RANBP2: variants seen among roughly 807,000 people sequenced by gnomAD.
RANBP2 encodes RAN binding protein 2, also known as E3 SUMO-protein ligase RanBP2.
Under a neutral mutation model 303.6 loss-of-function variants are expected in RANBP2, and 57 were observed. The ratio of observed to expected loss-of-function variants is 0.19; its 90% CI spans 0.15 to 0.23. The LOEUF is 0.23. Among genes scored for constraint, RANBP2 ranks in the 10% least tolerant of loss-of-function variants. The probability of loss-of-function intolerance (pLI) is 1.00; values close to 1 mark genes in which losing one functional copy is unlikely to be tolerated. For synonymous variants in RANBP2, 1,167 were observed against 1,301.5 expected, an observed-to-expected ratio of 0.90 and a Z score of 2.23; for missense variants, 3,138 against 3,780.8, an observed-to-expected ratio of 0.83 and a Z score of 4.46.
At chr2:109,137,551 C>G in the RANBP2 span, among the ~76,000 whole-genome samples, 18 of 152,148 alleles carry the variant, frequency 1.2e-4, no homozygotes, top group African/African-American at 4.8e-5. Flanking sequence ...TTTTTGTTGG[C>G]CATCAAAGCA....
At chr2:109,502,739 C>T in the RANBP2 span, 6 of 152,242 alleles carry the variant, frequency 3.9e-5, no homozygotes, top group Non-Finnish European at 7.3e-5. Flanking sequence ...GTAGAAGGAG[C>T]ACGCAGGTCA....
the RANBP2 span, among the ~76,000 whole-genome samples, chr2:109,645,223 GC>G: frequency 6.6e-6 from 1 of 152,196 alleles, no homozygotes; most frequent in African/African-American, 2.4e-5. Flanking sequence ...CCAGCGAGAG[GC>G]AACCAAGGTT....
In RANBP2 at chr2:108,766,146, A is replaced by G; in HGVS notation, c.5607A>G (p.Ser1869=). ...FKFGHVDQEN[S]PSFMFQGSSN... The stretch of plus-strand genomic sequence containing the variant: ...TTGGGCATGTGGATCAAGAAAATTC[A>G]CCTTCATTTATGTTTCAGGGTTCTT... Residue 1869 remains serine (S), a synonymous_variant, in exon 20 of 29, where the codon TCA becomes TCG. Coordinates refer to ENST00000283195, the MANE Select transcript of RANBP2 (RefSeq NM_006267.5). 1.2e-6 allele frequency: 2 copies of G among 1,613,304 alleles called. No homozygotes were observed. The highest frequency in any genetic ancestry group is 1.7e-6 in the Non-Finnish European group (2 of 1,179,992).
the RANBP2 span, chr2:108,876,349 T>G: frequency 1.6e-6 from 1 of 641,486 alleles, no homozygotes; most frequent in African/African-American, 1.8e-5. Context: ...AAGTTATCAG[T>G]AGCATCATTT....
chr2:108,786,281 A>T (rs1453998360), downstream of RANBP2, among the ~76,000 whole-genome samples: 1 of 143,240 alleles, frequency 7.0e-6, no homozygotes, highest in East Asian at 2.0e-4. Context: ...ACTTTAAGAG[A>T]TGGGAGTCTT....
chr2:109,184,061 A>G, the RANBP2 span, among the ~76,000 whole-genome samples: 2 of 152,172 alleles, frequency 1.3e-5, no homozygotes, highest in Non-Finnish European at 1.5e-5. Context: ...GGGTATCACG[A>G]TCTCTCTGTG....
chr2:109,110,038 G>A, the RANBP2 span, among the ~76,000 whole-genome samples: 2 of 152,080 alleles, frequency 1.3e-5, no homozygotes, highest in Non-Finnish European at 1.5e-5. Context: ...CTCAGATCCT[G>A]GAGATCTGAG....
chr2:109,563,481 C>T, the RANBP2 span, among the ~76,000 whole-genome samples: 4 of 152,236 alleles, frequency 2.6e-5, no homozygotes, highest in South Asian at 8.3e-4. Context: ...TAGCACTTGT[C>T]CCAAGGATCT....
chr2:109,218,161 A>AG, the RANBP2 span, among the ~76,000 whole-genome samples: 1 of 152,116 alleles, frequency 6.6e-6, no homozygotes, highest in Non-Finnish European at 1.5e-5. Flanking sequence ...TATTAAAAAA[A>AG]AAAAATCCTG....
the RANBP2 span, among the ~76,000 whole-genome samples, chr2:109,026,496 T>C: frequency 6.6e-6 from 1 of 152,220 alleles, no homozygotes; most frequent in Non-Finnish European, 1.5e-5. Context: ...GCCTGTCCCT[T>C]GGGCCCCTCT....
chr2:108,786,718 C>T (rs1355696660), downstream of RANBP2: 3 of 1,089,238 alleles, frequency 2.8e-6, no homozygotes, highest in Non-Finnish European at 4.1e-6. Context: ...GCCGTGCGTG[C>T]CTCGGGGGGG....
intron 25 of RANBP2, among the ~76,000 whole-genome samples, chr2:108,779,186 GACGATC>G: frequency 6.6e-6 from 1 of 151,750 alleles, no homozygotes; most frequent in South Asian, 2.1e-4. Flanking sequence ...TTTTTTTTGA[GACGATC>G]ATTCTGTTGC....
the RANBP2 span, among the ~76,000 whole-genome samples, chr2:109,693,222 G>C: frequency 2.0e-5 from 3 of 152,048 alleles, no homozygotes; most frequent in Admixed American, 2.0e-4. Flanking sequence ...CTATCGCCCA[G>C]GCTGGAGTGC....
chr2:109,115,962 A>G, the RANBP2 span, among the ~76,000 whole-genome samples: 3 of 152,002 alleles, frequency 2.0e-5, no homozygotes, highest in African/African-American at 7.3e-5. Flanking sequence ...ATTGGCCCCC[A>G]CTCTCTTCTG....
the RANBP2 span, among the ~76,000 whole-genome samples, chr2:109,304,966 G>A: frequency 3.3e-5 from 5 of 152,174 alleles, no homozygotes; most frequent in East Asian, 1.9e-4. Flanking sequence ...GTCAACTTAT[G>A]AGTAGGAATG....
At chr2:109,396,758 G>GCTTAGCCTATATC in the RANBP2 span, among the ~76,000 whole-genome samples, 1 of 152,208 alleles carries the variant, frequency 6.6e-6, no homozygotes, top group African/African-American at 2.4e-5. Context: ...ACATGCAAGG[G>GCTTAGCCTATATC]CTTAGCCTAT....
At chr2:109,423,120 G>A in the RANBP2 span, among the ~76,000 whole-genome samples, 359 of 152,288 alleles carry the variant, frequency 2.4e-3, no homozygotes, top group African/African-American at 8.0e-3. Context: ...ACCCTGTGAG[G>A]TGCATGACCA....
chr2:109,231,310 C>T, the RANBP2 span, among the ~76,000 whole-genome samples: 3 of 152,180 alleles, frequency 2.0e-5, no homozygotes, highest in African/African-American at 7.2e-5. Context: ...TGAGCTAATG[C>T]GATGACATTT....
chr2:109,149,359 A>C, the RANBP2 span, among the ~76,000 whole-genome samples: 1 of 152,222 alleles, frequency 6.6e-6, no homozygotes, highest in Non-Finnish European at 1.5e-5. Context: ...ATCAAGAGTC[A>C]AGTGTCTGGC....
Sources: gnomAD v4.1 joint callset for allele counts (sites outside exome capture counted in the v4.1 genomes callset) on GRCh38, gnomAD v4.1.1 for gene constraint, MANE v1.5 for transcripts, NCBI Gene and HGNC (gene_info 2026-07-23, HGNC 2026-07-21) for gene names.